Variants in ZNF274 observed in about 807,000 individuals in gnomAD.
ZNF274 encodes the protein zinc finger protein 274.
A neutral mutation model predicts 42.5 loss-of-function variants in ZNF274; 23 were observed. The ratio of observed to expected loss-of-function variants is 0.54; its 90% CI spans 0.39 to 0.77. The LOEUF is 0.77. ZNF274 is among the 30% of genes least tolerant of loss of function. The pLI, the probability that ZNF274 is intolerant of heterozygous loss-of-function variation, is 0.00. For synonymous variants in ZNF274, 292 were observed against 305.4 expected (o/e 0.96, Z 0.46); for missense variants, 679 against 806.5 (o/e 0.84, Z 1.91).
In ZNF274 at chr19:58,188,614, AAAAAAAATATATAT is replaced by A. The variant is rs1392219393; in HGVS notation, c.256+1574_256+1587del. 7.7e-4 allele frequency among the ~76,000 whole-genome samples: 66 copies of A among 86,186 alleles called. 1 individual carries two copies. The highest frequency in any genetic ancestry group is 4.2e-3 in the African/African-American group (61 of 14,402). 56.5% of individuals were successfully genotyped at this position (86,186 alleles called of 152,430 possible). A position where few individuals can be genotyped will look rare whatever the true frequency, so the allele number is the denominator to read the frequency against. The stretch of plus-strand genomic sequence containing the variant: ...GAGTGAGACTCCATCTCAAAAAAAA[AAAAAAAATATATAT>A]ATATATATATATATATATGTAAAAA... On this transcript the variant is annotated intron_variant, in intron 4 of 7. Coordinates refer to ENST00000617501, the MANE Select transcript of ZNF274 (RefSeq NM_133502.3).
At position 58,206,820 on chromosome 19, in the gene ZNF274, G is replaced by A. The variant is rs1047634058; in HGVS notation, c.357G>A (p.Glu119=). The A allele has an allele frequency of 3.1e-6, 5 of 1,613,866 alleles. No homozygotes were observed. Among genetic ancestry groups the A allele is most frequent in the Admixed American group, 3.3e-5 (2 of 60,000 alleles). Residue 119 remains glutamate, a synonymous_variant, in exon 5 of 8, where the codon GAG becomes GAA. Coordinates refer to ENST00000617501, the MANE Select transcript of ZNF274 (RefSeq NM_133502.3). ...TTGAGGTCCTCACACTGAACCAGGA[G>A]GTGGCTGGTCCCCGGAATGCCCAGA... ...EVVEVLTLNQ[E]VAGPRNAQIQ... is the part of the protein sequence containing the mutation.
At position 58,212,457 on chromosome 19, in the gene ZNF274, G is replaced by C. The variant is rs528456741; in HGVS notation, c.1276G>C (p.Glu426Gln). ...TTCGCTCCAGAAAATTGACAACCCT[G>C]AGTCCCAGGCAAACAGTGGCGCTCT... ...QVSLQKIDNP[E>Q]SQANSGALDT... The change falls in exon 8 of 8, where the codon GAG (glutamate) becomes CAG (glutamine). Residue 426 changes from glutamate (E) to glutamine (Q), a missense_variant. By Grantham distance (29) the Glu-to-Gln change is conservative (BLOSUM62 2). Transcript: ENST00000617501. The surrounding 1 kb of genome is among the most constrained non-coding windows in gnomAD (Gnocchi z 4.6). 5.6e-6 allele frequency: 9 copies of C among 1,613,394 alleles called. No individual in the cohort carries two copies. In the East Asian group the frequency reaches 1.8e-4, roughly 32 times the overall value.
At chr19:58,188,466 C>A (rs556423967) in intron 4 of ZNF274, among the ~76,000 whole-genome samples, 1 of 150,772 alleles carries the variant, frequency 6.6e-6, no homozygotes, top group East Asian at 1.9e-4. Context: ...ACTAAAAATA[C>A]AAAAATTAGC....
At chr19:58,188,674 G>GTGTGTGTATATATATGTATA (rs1428824255) in intron 4 of ZNF274, among the ~76,000 whole-genome samples, 1 of 84,906 alleles carries the variant, frequency 1.2e-5, no homozygotes, top group Non-Finnish European at 2.0e-5. Context: ...GTGTGTGTGT[G>GTGTGTGTATATATATGTATA]TGTATATATA....
chr19:58,190,241 G>A lies in ZNF274; in HGVS notation c.256+3199G>A, dbSNP rs563806281. Among the ~76,000 whole-genome samples, 187 of 150,014 alleles carry A rather than the reference G, an allele frequency of 1.2e-3. 1 individual carries two copies. Among genetic ancestry groups the A allele is most frequent in the African/African-American group, 4.4e-3 (179 of 40,708 alleles). On this transcript the variant is annotated intron_variant, in intron 4 of 7. Transcript: ENST00000617501. ...CAGCTCACTGCAACCTCCATCCTCT[G>A]GGTTCAAGTGATTCTCGTGCCTCAG...
At chr19:58,206,545 A>G (rs756908041) in intron 4 of ZNF274, among the ~76,000 whole-genome samples, 175 bp from the exon 5 acceptor site, 3 of 152,216 alleles carry the variant, frequency 2.0e-5, no homozygotes, top group Non-Finnish European at 2.9e-5. Context: ...GTGTGTGAGC[A>G]TTCTAGTTTT....
In ZNF274 at chr19:58,207,282, T is replaced by C. The variant is rs373539182; in HGVS notation, c.739+80T>C. The stretch of plus-strand genomic sequence containing the variant: ...TGTGGGGGAGATAAGAACTCCAGGC[T>C]TCCTAGGAAGGTCATGGGAAGGATT... On this transcript the variant is annotated intron_variant, in intron 5 of 7. Coordinates refer to ENST00000617501, the MANE Select transcript of ZNF274 (RefSeq NM_133502.3). This position sits in a 1 kb window ranked among gnomAD's most constrained non-coding sequence, Gnocchi z 5.6. The C allele has an allele frequency of 6.7e-7, 1 of 1,488,964 alleles. No individual in the cohort carries two copies. The allele number at this position is 1,488,964 out of a possible 1,614,324, so 92.2% of individuals were successfully genotyped here. A position where few individuals can be genotyped will look rare whatever the true frequency, so the allele number is the denominator to read the frequency against.
chr19:58,210,759 G>A (rs2076030817), intron 6 of ZNF274: 1 of 153,398 alleles, frequency 6.5e-6, no homozygotes, highest in Admixed American at 6.5e-5. Flanking sequence ...TTGTTGCCCA[G>A]GCTGGAGTGC....
chr19:58,183,467 C>G (rs1040744093), intron 1 of ZNF274, 25 bp downstream of exon 1: 1 of 152,550 alleles, frequency 6.6e-6, no homozygotes, highest in Admixed American at 6.5e-5. Flanking sequence ...AAACCTGCGT[C>G]CGTCGGGGGC....
chr19:58,195,923 C>T (rs747645677), intron 4 of ZNF274, among the ~76,000 whole-genome samples: 1 of 152,152 alleles, frequency 6.6e-6, no homozygotes, highest in Admixed American at 6.6e-5. Flanking sequence ...CACCTCCTGC[C>T]GTGCAGCCTG....
At chr19:58,191,744 C>G (rs1316869161) in intron 4 of ZNF274, among the ~76,000 whole-genome samples, 2 of 152,126 alleles carry the variant, frequency 1.3e-5, no homozygotes, top group African/African-American at 4.8e-5. Context: ...TGATGGGTGT[C>G]CAACTCATCT....
intron 4 of ZNF274, among the ~76,000 whole-genome samples, chr19:58,204,249 G>T (rs2146235117): frequency 6.6e-6 from 1 of 152,234 alleles, no homozygotes; most frequent in South Asian, 2.1e-4. Flanking sequence ...CCTGTCAGCG[G>T]GGACTAGGGA....
chr19:58,198,081 T>A (rs2075864875), intron 4 of ZNF274, among the ~76,000 whole-genome samples: 1 of 150,438 alleles, frequency 6.6e-6, no homozygotes, highest in South Asian at 2.1e-4. Context: ...AAAAATACCA[T>A]CAACAGTCCT....
intron 5 of ZNF274, chr19:58,209,224 C>T (rs942909551): frequency 6.6e-6 from 1 of 152,296 alleles, no homozygotes; most frequent in Non-Finnish European, 1.5e-5. Flanking sequence ...CCAACTAAGG[C>T]CTTGTTGGCT....
At chr19:58,202,651 A>G (rs2075926955) in intron 4 of ZNF274, among the ~76,000 whole-genome samples, 1 of 152,214 alleles carries the variant, frequency 6.6e-6, no homozygotes, top group South Asian at 2.1e-4. Context: ...GGGTGGAATG[A>G]GAATCCAGTT....
chr19:58,206,482 G>T (rs1014885178), intron 4 of ZNF274, among the ~76,000 whole-genome samples: 4 of 152,300 alleles, frequency 2.6e-5, no homozygotes, highest in East Asian at 1.9e-4. Context: ...AACTTCTGAG[G>T]ATTTACCAAC....
intron 4 of ZNF274, among the ~76,000 whole-genome samples, chr19:58,189,994 G>A (rs1187424684): frequency 6.6e-6 from 1 of 151,604 alleles, no homozygotes; most frequent in African/African-American, 2.4e-5. Flanking sequence ...GTGGTGGTTC[G>A]CACCTGTAAT....
At position 58,192,940 on chromosome 19, in the gene ZNF274, C is replaced by T. The variant is rs560062514; in HGVS notation, c.256+5898C>T. On this transcript the variant is annotated intron_variant, in intron 4 of 7. Coordinates refer to ENST00000617501, the MANE Select transcript of ZNF274 (RefSeq NM_133502.3). ...TTATATTTTTTTGTCACCATGTTGC[C>T]CAGGCTGGTATCGAGCTTGCCTCAA... Among the ~76,000 whole-genome samples, 3 of 152,142 alleles carry T rather than the reference C, an allele frequency of 2.0e-5. No individual in the cohort carries two copies. The East Asian group carries it at 5.8e-4, about 29-fold the overall frequency.
At chr19:58,192,093 A>C (rs571397082) in intron 4 of ZNF274, among the ~76,000 whole-genome samples, 1 of 152,214 alleles carries the variant, frequency 6.6e-6, no homozygotes, top group African/African-American at 2.4e-5. Context: ...GAAGGAAAAT[A>C]AGTCCGTGGA....
Sources: gnomAD v4.1 joint callset for allele counts (sites outside exome capture counted in the v4.1 genomes callset) on GRCh38, gnomAD v4.1.1 for gene constraint, Gnocchi (gnomAD v3.1) non-coding constraint, MANE v1.5 for transcripts, NCBI Gene and HGNC (gene_info 2026-07-23, HGNC 2026-07-21) for gene names.